The following PIP5K1B variants were observed in gnomAD, a reference collection of about 807,000 sequenced individuals.
PIP5K1B encodes phosphatidylinositol 4-phosphate 5-kinase type-1 beta.
Under a neutral mutation model 67.0 loss-of-function variants are expected in PIP5K1B, and 42 were observed. The observed-to-expected ratio is 0.63, with a 90% CI of 0.49 to 0.81. The LOEUF is 0.81. Ranked by LOEUF, PIP5K1B falls within the 30% of genes least tolerant of loss-of-function variation. PIP5K1B has a pLI of 0.00. For missense variants in PIP5K1B, 459 were observed against 646.3 expected (o/e 0.71, Z 3.14); for synonymous variants, 214 against 231.4 (o/e 0.92, Z 0.68).
chr9:68,906,269 T>C (rs1212723536), intron 8 of PIP5K1B, among the ~76,000 whole-genome samples: 1 of 152,248 alleles, frequency 6.6e-6, no homozygotes, highest in Non-Finnish European at 1.5e-5. Context: ...TCCACCTGCC[T>C]TGGCCTGCCA....
At chr9:68,743,020 T>A (rs1236829327) in intron 2 of PIP5K1B, among the ~76,000 whole-genome samples, 1 of 152,172 alleles carries the variant, frequency 6.6e-6, no homozygotes, top group East Asian at 1.9e-4. Context: ...ATTTGTTCAC[T>A]CACTCATCAG....
chr9:68,870,495 G>GTC (rs759724962), intron 5 of PIP5K1B, among the ~76,000 whole-genome samples: 12 of 152,070 alleles, frequency 7.9e-5, no homozygotes, highest in Non-Finnish European at 1.5e-4. Flanking sequence ...ACCAATTTCT[G>GTC]TCTCTCTCTC....
rs370645487 is a variant in PIP5K1B at position 68,804,049 on chromosome 9, C to T, written c.-85-14412C>T. ...GGCCGGATTGCTGTGCCTCCATGAG[C>T]GTGTGGAGGGGTGGGGGTGAAGATG... On this transcript the variant is annotated intron_variant, in intron 2 of 15. Transcript: ENST00000265382. Among the ~76,000 whole-genome samples, 10 of 151,582 alleles carry T rather than the reference C, an allele frequency of 6.6e-5. No homozygotes were observed. In the East Asian group the frequency reaches 7.8e-4, roughly 12 times the overall value.
At chr9:68,938,359 T>G (rs1827380061) in intron 13 of PIP5K1B, among the ~76,000 whole-genome samples, 1 of 152,218 alleles carries the variant, frequency 6.6e-6, no homozygotes, top group African/African-American at 2.4e-5. Context: ...GTAATGGCCT[T>G]ATTTGTCTCT....
intron 8 of PIP5K1B, among the ~76,000 whole-genome samples, chr9:68,914,072 G>A (rs1825975132): frequency 6.6e-6 from 1 of 152,008 alleles, no homozygotes; most frequent in African/African-American, 2.4e-5. Flanking sequence ...ATAAGAAAAA[G>A]TATTTCATTT....
chr9:68,882,731 A>G (rs1824260752), intron 6 of PIP5K1B, among the ~76,000 whole-genome samples: 1 of 152,238 alleles, frequency 6.6e-6, no homozygotes, highest in Non-Finnish European at 1.5e-5. Flanking sequence ...TTCAAATGCC[A>G]TGGAACAAAG....
At chr9:68,823,699 C>A (rs766028360) in intron 4 of PIP5K1B, among the ~76,000 whole-genome samples, 2 of 152,148 alleles carry the variant, frequency 1.3e-5, no homozygotes, top group Non-Finnish European at 2.9e-5. Context: ...AAAGTTCTTG[C>A]TATTTTGCCC....
intron 4 of PIP5K1B, among the ~76,000 whole-genome samples, chr9:68,839,411 G>A (rs1326581674): frequency 6.6e-6 from 1 of 152,036 alleles, no homozygotes; most frequent in Non-Finnish European, 1.5e-5. Context: ...GGTAAAGAGT[G>A]GGGAGAAGGT....
chr9:68,856,068 G>A (rs1168322333), intron 4 of PIP5K1B, among the ~76,000 whole-genome samples: 1 of 152,034 alleles, frequency 6.6e-6, no homozygotes, highest in Non-Finnish European at 1.5e-5. Flanking sequence ...GCTACGCTAA[G>A]TAGCAGCCAG....
intron 11 of PIP5K1B, among the ~76,000 whole-genome samples, chr9:68,921,063 TTAA>T (rs536324861): frequency 6.6e-6 from 1 of 152,176 alleles, no homozygotes; most frequent in Non-Finnish European, 1.5e-5. Context: ...TGGAAGACTG[TTAA>T]TAACCTTTCA....
At chr9:68,765,562 C>A (rs932329424) in intron 2 of PIP5K1B, among the ~76,000 whole-genome samples, 2 of 151,886 alleles carry the variant, frequency 1.3e-5, no homozygotes, top group African/African-American at 4.8e-5. Flanking sequence ...AACATAAATT[C>A]TCCATCAAAA....
intron 8 of PIP5K1B, among the ~76,000 whole-genome samples, chr9:68,898,836 A>G (rs1402975556): frequency 4.6e-5 from 7 of 152,154 alleles, no homozygotes; most frequent in Admixed American, 1.3e-4. Flanking sequence ...GTGGTTATTC[A>G]TCACCTGGAG....
At chr9:68,931,780 T>C (rs780618685) in intron 12 of PIP5K1B, among the ~76,000 whole-genome samples, 40 of 152,204 alleles carry the variant, frequency 2.6e-4, no homozygotes, top group Admixed American at 1.2e-3. Context: ...AGGCTAGAAA[T>C]GGACACAGGA....
chr9:68,800,379 A>G (rs1010773275), intron 2 of PIP5K1B, among the ~76,000 whole-genome samples: 1 of 152,206 alleles, frequency 6.6e-6, no homozygotes, highest in Admixed American at 6.5e-5. Context: ...CTGCACATGC[A>G]CAGGTGTTTG....
At chr9:68,719,872 C>T (rs1270717172) in intron 1 of PIP5K1B, among the ~76,000 whole-genome samples, 2 of 152,176 alleles carry the variant, frequency 1.3e-5, no homozygotes, top group Non-Finnish European at 2.9e-5. Context: ...ATAGTCTTTT[C>T]CACATATGTC....
intron 12 of PIP5K1B, among the ~76,000 whole-genome samples, chr9:68,926,498 T>A (rs553492389): frequency 6.6e-6 from 1 of 152,178 alleles, no homozygotes; most frequent in South Asian, 2.1e-4. Context: ...TTCACCCTTT[T>A]AAAGTGTACA....
rs200963962 is a variant in PIP5K1B, at chr9:68,948,656, A to AAG, written c.1502+7866_1502+7867insAG. 2.7e-5 allele frequency among the ~76,000 whole-genome samples: 4 copies of AAG among 150,234 alleles called. 1 individual carries two copies. Among genetic ancestry groups the AAG allele is most frequent in the Non-Finnish European group, 5.9e-5 (4 of 67,478 alleles). ...GCGAGACCTTGCCTCAAAAAAAAAA[A>AAG]GGAACCTGCAGAAGTTTTATAATAT... On this transcript the variant is annotated intron_variant, in intron 14 of 15. Coordinates refer to ENST00000265382, the MANE Select transcript of PIP5K1B (RefSeq NM_003558.4).
chr9:68,905,749 A>G (rs1216163399), intron 8 of PIP5K1B, among the ~76,000 whole-genome samples: 1 of 152,178 alleles, frequency 6.6e-6, no homozygotes, highest in African/African-American at 2.4e-5. Context: ...TTCATTCAAC[A>G]TCCAGGGCAC....
At chr9:68,842,223 C>T (rs1821954143) in intron 4 of PIP5K1B, among the ~76,000 whole-genome samples, 1 of 152,198 alleles carries the variant, frequency 6.6e-6, no homozygotes, top group East Asian at 1.9e-4. Flanking sequence ...GCGTGAGTGC[C>T]TACGTGCACA....
Sources: gnomAD v4.1 joint callset for allele counts (sites outside exome capture counted in the v4.1 genomes callset) on GRCh38, gnomAD v4.1.1 for gene constraint, MANE v1.5 for transcripts, NCBI Gene and HGNC (gene_info 2026-07-23, HGNC 2026-07-21) for gene names.